The following FAM167A variants were observed in gnomAD, a reference collection of about 807,000 sequenced individuals.
FAM167A encodes the protein protein FAM167A.
FAM167A carries 23 observed loss-of-function variants against 14.9 expected under a neutral mutation model. The ratio of observed to expected loss-of-function variants is 1.55; its 90% CI spans 1.11 to 2.19. The LOEUF (loss-of-function observed/expected upper bound fraction) is 2.19. FAM167A is among the 30% of genes most tolerant of loss of function. The probability of loss-of-function intolerance (pLI) is 0.00; values close to 1 mark genes in which losing one functional copy is unlikely to be tolerated. For missense variants in FAM167A, 401 were observed against 281.5 expected (o/e 1.42, Z -3.04); for synonymous variants, 174 against 117.7 (o/e 1.48, Z -3.10).
At chr8:11,437,767 G>A (rs1275348443) in intron 2 of FAM167A, among the ~76,000 whole-genome samples, 1 of 152,156 alleles carries the variant, frequency 6.6e-6, no homozygotes, top group Non-Finnish European at 1.5e-5. Context: ...TGGGGAGGGT[G>A]CCCATCAGAG....
upstream of FAM167A, among the ~76,000 whole-genome samples, chr8:11,471,733 G>C (rs1025626823): frequency 2.0e-5 from 3 of 152,170 alleles, no homozygotes; most frequent in Non-Finnish European, 4.4e-5. Context: ...CGGGGGTCAG[G>C]GGTTGCCCTC....
intron 2 of FAM167A, among the ~76,000 whole-genome samples, chr8:11,440,828 G>A (rs1253281458): frequency 6.6e-6 from 1 of 152,206 alleles, no homozygotes; most frequent in Non-Finnish European, 1.5e-5. Flanking sequence ...GACAGAAAAG[G>A]TTATGCAAAT....
chr8:11,468,433 C>T (rs1211521757), upstream of FAM167A, among the ~76,000 whole-genome samples: 1 of 152,252 alleles, frequency 6.6e-6, no homozygotes, highest in Admixed American at 6.5e-5. Context: ...TGCCTTATGT[C>T]CTTCATGGAC....
At chr8:11,467,145 G>T (rs1807807270), upstream of FAM167A, among the ~76,000 whole-genome samples, 1 of 152,224 alleles carries the variant, frequency 6.6e-6, no homozygotes, top group Admixed American at 6.5e-5. Context: ...GAGTTCATAG[G>T]ACCCGCGGCC....
In FAM167A at chr8:11,444,377, C is replaced by G. The variant is rs368969734; in HGVS notation, c.35G>C (p.Gly12Ala). Residue 12 changes from glycine to alanine, a missense_variant, in exon 2 of 3, where the codon GGT becomes GCT. Coordinates refer to ENST00000284486, the MANE Select transcript of FAM167A (RefSeq NM_053279.3). ...GGCTGCTCCCGCCCCCTCTTCTGCACCCACTTCTTCCACGTGGATCTGGGG... is the reference window on the plus strand; with the variant it reads ...GGCTGCTCCCGCCCCCTCTTCTGCAGCCACTTCTTCCACGTGGATCTGGGG... ...SVPQIHVEEV[G>A]AEEGAGAAAP... is the part of the protein sequence containing the mutation. The G allele has an allele frequency of 1.9e-6, 3 of 1,568,750 alleles. No homozygotes were observed. Among genetic ancestry groups the G allele is most frequent in the Non-Finnish European group, 2.6e-6 (3 of 1,157,186 alleles).
intron 2 of FAM167A, among the ~76,000 whole-genome samples, chr8:11,439,655 C>A (rs1806308577): frequency 6.9e-6 from 1 of 145,980 alleles, no homozygotes; most frequent in Admixed American, 7.1e-5. Context: ...GGATCACACA[C>A]CTGCGTGAAA....
At chr8:11,432,744 T>C (rs1349817978) in intron 2 of FAM167A, among the ~76,000 whole-genome samples, 1 of 152,214 alleles carries the variant, frequency 6.6e-6, no homozygotes, top group East Asian at 1.9e-4. Context: ...AATCATTCTA[T>C]GATAAAGACA....
chr8:11,423,056 T>C lies in FAM167A; in HGVS notation c.*1317A>G, dbSNP rs1036596866. On this transcript the variant is annotated 3_prime_UTR_variant, in exon 3 of 3. Coordinates refer to ENST00000284486, the MANE Select transcript of FAM167A (RefSeq NM_053279.3). The stretch of plus-strand genomic sequence containing the variant: ...AATGGTTTCACACATCAATATTCTA[T>C]AGCCTAAACAGCTGTGCAACCTGAG... The C allele has an allele frequency of 1.4e-4, 22 of 152,642 alleles. No individual in the cohort carries two copies. Among genetic ancestry groups the C allele is most frequent in the African/African-American group, 5.1e-4 (21 of 41,446 alleles). The allele number at this position is 152,642 out of a possible 1,614,324, so 9.5% of individuals were successfully genotyped here. A position where few individuals can be genotyped will look rare whatever the true frequency, so the allele number is the denominator to read the frequency against.
intron 1 of FAM167A, among the ~76,000 whole-genome samples, chr8:11,455,536 T>A (rs1259544011): frequency 4.2e-5 from 5 of 118,088 alleles, no homozygotes; most frequent in East Asian, 2.9e-4. Context: ...CCCTGCTGGG[T>A]GTGTGAGTCT....
intron 1 of FAM167A, among the ~76,000 whole-genome samples, chr8:11,463,964 C>G (rs529767191): frequency 4.3e-4 from 65 of 152,272 alleles, no homozygotes; most frequent in Non-Finnish European, 8.8e-4. Context: ...GTGGCAGGGC[C>G]CTGGCATGGA....
upstream of FAM167A, among the ~76,000 whole-genome samples, chr8:11,467,854 T>A (rs182767810): frequency 2.9e-3 from 443 of 152,342 alleles, 1 homozygote; most frequent in Non-Finnish European, 4.6e-3. Context: ...GGACGTCGTC[T>A]AAGGAGACAT....
intron 1 of FAM167A, among the ~76,000 whole-genome samples, chr8:11,451,674 A>G (rs1223077552): frequency 6.6e-6 from 1 of 152,170 alleles, no homozygotes; most frequent in Admixed American, 6.5e-5. Context: ...GAGCTTGGCC[A>G]GTCAGCTGTT....
intron 2 of FAM167A, among the ~76,000 whole-genome samples, chr8:11,426,615 A>G (rs1468527720): frequency 6.6e-6 from 1 of 152,164 alleles, no homozygotes; most frequent in Admixed American, 6.5e-5. Flanking sequence ...CCTTTCCTCA[A>G]AGATGATTTT....
At chr8:11,472,131 CT>C (rs1313008129), upstream of FAM167A, among the ~76,000 whole-genome samples, 1 of 152,202 alleles carries the variant, frequency 6.6e-6, no homozygotes, top group Non-Finnish European at 1.5e-5. Context: ...TGTGCATTCA[CT>C]TTGGGCCTCT....
chr8:11,439,933 G>C (rs150313521), intron 2 of FAM167A, among the ~76,000 whole-genome samples: 6 of 152,142 alleles, frequency 3.9e-5, no homozygotes, highest in Non-Finnish European at 4.4e-5. Context: ...GGGCAGAGGC[G>C]TGTGTGAATG....
intron 1 of FAM167A, among the ~76,000 whole-genome samples, chr8:11,450,975 A>G (rs1323688972): frequency 6.6e-6 from 1 of 152,248 alleles, no homozygotes; most frequent in Non-Finnish European, 1.5e-5. Context: ...TGGAGGGGAC[A>G]GTCTGATGTG....
intron 2 of FAM167A, among the ~76,000 whole-genome samples, chr8:11,427,477 C>T (rs192640612): frequency 9.8e-5 from 15 of 152,320 alleles, no homozygotes; most frequent in Middle Eastern, 6.8e-3. Context: ...GCGACATGCT[C>T]GGCTGTGCCA....
chr8:11,440,864 AT>A (rs1482730617), intron 2 of FAM167A, among the ~76,000 whole-genome samples: 1 of 152,236 alleles, frequency 6.6e-6, no homozygotes, highest in Non-Finnish European at 1.5e-5. Flanking sequence ...AAATAGGTTA[AT>A]TTTTAAAGGT....
At chr8:11,430,343 C>T (rs935756790) in intron 2 of FAM167A, among the ~76,000 whole-genome samples, 17 of 152,350 alleles carry the variant, frequency 1.1e-4, no homozygotes, top group Admixed American at 2.0e-4. Flanking sequence ...GGCAGCCACA[C>T]GTGGCCCCTT....
Sources: gnomAD v4.1 joint callset for allele counts (sites outside exome capture counted in the v4.1 genomes callset) on GRCh38, gnomAD v4.1.1 for gene constraint, MANE v1.5 for transcripts, NCBI Gene and HGNC (gene_info 2026-07-23, HGNC 2026-07-21) for gene names.